Variants in SIPA1L1 observed in about 807,000 individuals in gnomAD.
SIPA1L1 encodes signal-induced proliferation-associated 1-like protein 1.
Under a neutral mutation model 162.7 loss-of-function variants are expected in SIPA1L1, and 26 were observed. The ratio of observed to expected loss-of-function variants is 0.16; its 90% CI spans 0.12 to 0.22. The LOEUF (loss-of-function observed/expected upper bound fraction) is 0.22. Ranked by LOEUF, SIPA1L1 falls within the 10% of genes least tolerant of loss-of-function variation. The probability of loss-of-function intolerance (pLI) is 1.00; values close to 1 mark genes in which losing one functional copy is unlikely to be tolerated. For missense variants in SIPA1L1, 1,874 were observed against 2,241.0 expected (o/e 0.84, Z 3.31); for synonymous variants, 829 against 837.4 (o/e 0.99, Z 0.17).
intron 2 of SIPA1L1, among the ~76,000 whole-genome samples, chr14:71,371,691 T>C (rs2038906855): frequency 1.3e-5 from 2 of 152,152 alleles, no homozygotes; most frequent in Admixed American, 1.3e-4. Context: ...TGCAACACCG[T>C]GCCTGGCCAG....
chr14:71,350,676 G>A (rs1028939582), intron 2 of SIPA1L1, among the ~76,000 whole-genome samples: 1 of 152,168 alleles, frequency 6.6e-6, no homozygotes, highest in Admixed American at 6.5e-5. Flanking sequence ...AGTGAAGTTA[G>A]GGATTGCAGT....
chr14:71,596,684 C>T (rs1280983641), intron 5 of SIPA1L1, among the ~76,000 whole-genome samples: 3 of 152,116 alleles, frequency 2.0e-5, no homozygotes, highest in Admixed American at 6.5e-5. Flanking sequence ...TATTTATAGC[C>T]TCCAATTAGT....
Position 71,740,892 on chromosome 14 carries a change from T to C in SIPA1L1, c.*1731T>C, listed in dbSNP as rs1462057114. ...AAGCATTCTGAAGTCTTGCTTATCC[T>C]TCTGAGTTTAGTTCTCATTTTGTTT... On this transcript the variant is annotated 3_prime_UTR_variant, in exon 24 of 24. Coordinates refer to ENST00000381232, the MANE Select transcript of SIPA1L1 (RefSeq NM_001386936.1). 6.6e-6 allele frequency: 1 copy of C among 152,238 alleles called. No homozygotes were observed. Among genetic ancestry groups the C allele is most frequent in the East Asian group, 1.9e-4 (1 of 5,200 alleles). 9.4% of individuals were successfully genotyped at this position (152,238 alleles called of 1,614,324 possible). A position where few individuals can be genotyped will look rare whatever the true frequency, so the allele number is the denominator to read the frequency against.
intron 13 of SIPA1L1, among the ~76,000 whole-genome samples, chr14:71,692,257 A>G (rs8013708): frequency 0.49 from 74,373 of 152,138 alleles, 18,604 homozygotes; most frequent in Admixed American, 0.55. Context: ...AGCATTAAAC[A>G]TAGATATAAG....
rs71105772 is a variant in SIPA1L1, at chr14:71,356,567, C to CAAAAAAAAAAAAAAAAAAAAAAAAAAAAA, written c.-465+35406_-465+35407insAAAAAAAAAAAAAAAAAAAAAAAAAAAAA. Among the ~76,000 whole-genome samples, 10 of 39,162 alleles carry CAAAAAAAAAAAAAAAAAAAAAAAAAAAAA rather than the reference C, an allele frequency of 2.6e-4. 4 individuals are homozygous for CAAAAAAAAAAAAAAAAAAAAAAAAAAAAA. Among genetic ancestry groups the CAAAAAAAAAAAAAAAAAAAAAAAAAAAAA allele is most frequent in the Non-Finnish European group, 3.5e-4 (8 of 23,186 alleles). The allele number at this position is 39,162 out of a possible 152,430, so 25.7% of individuals were successfully genotyped here. A position where few individuals can be genotyped will look rare whatever the true frequency, so the allele number is the denominator to read the frequency against. ...GCAACATAGCAAGACCTTGTCTCTA[C>CAAAAAAAAAAAAAAAAAAAAAAAAAAAAA]AAAAAAAAAAAAAAAAAAAAGCACA... On this transcript the variant is annotated intron_variant, in intron 2 of 23. Transcript: ENST00000381232.
chr14:71,421,176 T>C (rs1229773544), intron 2 of SIPA1L1, among the ~76,000 whole-genome samples: 1 of 152,278 alleles, frequency 6.6e-6, no homozygotes, highest in African/African-American at 2.4e-5. Context: ...AGCTACTTTT[T>C]ATACTTAACG....
intron 2 of SIPA1L1, among the ~76,000 whole-genome samples, chr14:71,502,589 G>T (rs911327351): frequency 2.0e-5 from 3 of 152,012 alleles, no homozygotes; most frequent in African/African-American, 7.2e-5. Context: ...AAAATTTTTG[G>T]CTATTAGGGT....
intron 6 of SIPA1L1, among the ~76,000 whole-genome samples, chr14:71,621,735 G>A (rs929018690): frequency 7.9e-5 from 12 of 152,110 alleles, no homozygotes; most frequent in African/African-American, 1.9e-4. Flanking sequence ...TCAGTACAAC[G>A]TGCCCGATTC....
intron 10 of SIPA1L1, among the ~76,000 whole-genome samples, chr14:71,662,075 C>T (rs1459524277): frequency 6.6e-6 from 1 of 152,144 alleles, no homozygotes; most frequent in Admixed American, 6.5e-5. Context: ...CACGCTAGCT[C>T]GATAGGGGTG....
intron 7 of SIPA1L1, among the ~76,000 whole-genome samples, chr14:71,626,064 CA>C (rs1395877843): frequency 2.0e-5 from 3 of 152,146 alleles, no homozygotes; most frequent in Non-Finnish European, 4.4e-5. Context: ...ATTTAATTCA[CA>C]AAACTGGCCA....
chr14:71,584,505 C>T (rs2034340684), intron 4 of SIPA1L1, among the ~76,000 whole-genome samples: 1 of 152,200 alleles, frequency 6.6e-6, no homozygotes, highest in African/African-American at 2.4e-5. Context: ...CCCTGCTACA[C>T]CTGGAGCTTT....
At chr14:71,489,299 A>G (rs919741845) in intron 2 of SIPA1L1, among the ~76,000 whole-genome samples, 6 of 152,226 alleles carry the variant, frequency 3.9e-5, no homozygotes, top group South Asian at 4.1e-4. Context: ...TTGAAGCTAG[A>G]TAACGTCAGT....
chr14:71,385,642 A>G (rs2040253165), intron 2 of SIPA1L1, among the ~76,000 whole-genome samples: 1 of 151,626 alleles, frequency 6.6e-6, no homozygotes, highest in Non-Finnish European at 1.5e-5. Context: ...AACATATAAT[A>G]CATATAAAAA....
chr14:71,721,225 G>T (rs1254973233), intron 17 of SIPA1L1, among the ~76,000 whole-genome samples: 1 of 152,184 alleles, frequency 6.6e-6, no homozygotes, highest in Non-Finnish European at 1.5e-5. Context: ...GCTTTGATGG[G>T]CTTGGACAGG....
chr14:71,495,501 A>C (rs1002969832), intron 2 of SIPA1L1, among the ~76,000 whole-genome samples: 4 of 151,566 alleles, frequency 2.6e-5, no homozygotes, highest in Non-Finnish European at 4.4e-5. Flanking sequence ...TGATTTTGGT[A>C]ATTTTGGGGG....
chr14:71,380,465 C>T (rs924196223), intron 2 of SIPA1L1, among the ~76,000 whole-genome samples: 12 of 152,152 alleles, frequency 7.9e-5, no homozygotes, highest in African/African-American at 2.4e-4. Flanking sequence ...TGGTATTTTG[C>T]GATGCATTCC....
At chr14:71,704,717 T>C in intron 15 of SIPA1L1, 2 of 1,610,750 alleles carry the variant, frequency 1.2e-6, no homozygotes, top group Non-Finnish European at 1.7e-6. Context: ...TCTGTTGTGC[T>C]CAGCTTACAG....
intron 2 of SIPA1L1, among the ~76,000 whole-genome samples, chr14:71,338,456 G>A (rs1250439252): frequency 2.0e-5 from 3 of 152,184 alleles, no homozygotes; most frequent in South Asian, 2.1e-4. Context: ...GTGTCCCATC[G>A]TTGGAGGCCC....
chr14:71,328,130 C>T (rs2034053678), intron 2 of SIPA1L1, among the ~76,000 whole-genome samples: 1 of 152,098 alleles, frequency 6.6e-6, no homozygotes, highest in Admixed American at 6.5e-5. Context: ...AATGATGATC[C>T]TTTGTAACAG....
Sources: gnomAD v4.1 joint callset for allele counts (sites outside exome capture counted in the v4.1 genomes callset) on GRCh38, gnomAD v4.1.1 for gene constraint, MANE v1.5 for transcripts, NCBI Gene and HGNC (gene_info 2026-07-23, HGNC 2026-07-21) for gene names.